Variants in RAB3C observed in about 807,000 individuals in gnomAD.
RAB3C encodes the protein RAB3C, member RAS oncogene family.
A neutral mutation model predicts 26.4 loss-of-function variants in RAB3C; 17 were observed. The ratio of observed to expected loss-of-function variants is 0.64; its 90% CI spans 0.44 to 0.97. RAB3C has a LOEUF of 0.97. Ranked by LOEUF, RAB3C falls within the 50% of genes least tolerant of loss-of-function variation. The pLI is 0.00. For synonymous variants in RAB3C, 91 were observed against 95.9 expected (o/e 0.95, Z 0.30); for missense variants, 242 against 281.9 (o/e 0.86, Z 1.01).
chr5:58,591,962 G>C (rs181475180), intron 1 of RAB3C, among the ~76,000 whole-genome samples: 1 of 146,120 alleles, frequency 6.8e-6, no homozygotes, highest in Non-Finnish European at 1.5e-5. Context: ...GCAGTGGCAC[G>C]ATCTCGGCTC....
At chr5:58,703,907 G>A (rs1277554617) in intron 2 of RAB3C, among the ~76,000 whole-genome samples, 1 of 152,088 alleles carries the variant, frequency 6.6e-6, no homozygotes, top group African/African-American at 2.4e-5. Context: ...CTTTAAAAAG[G>A]CTTAACCTCA....
At chr5:58,615,008 C>T (rs1746795029) in intron 1 of RAB3C, among the ~76,000 whole-genome samples, 2 of 152,080 alleles carry the variant, frequency 1.3e-5, no homozygotes, top group South Asian at 4.1e-4. Flanking sequence ...GTGAATACCA[C>T]ACCATTTTAT....
intron 3 of RAB3C, among the ~76,000 whole-genome samples, chr5:58,804,314 T>C (rs1742883397): frequency 6.6e-6 from 1 of 152,178 alleles, no homozygotes; most frequent in Non-Finnish European, 1.5e-5. Flanking sequence ...AGCAGGCTGT[T>C]TTCTTTCTTG....
intron 2 of RAB3C, among the ~76,000 whole-genome samples, chr5:58,635,171 C>A (rs1306071675): frequency 6.6e-6 from 1 of 152,126 alleles, no homozygotes; most frequent in African/African-American, 2.4e-5. Context: ...CACTGGAATA[C>A]CCATCTAGAT....
Position 58,666,415 on chromosome 5 carries a change from A to T in RAB3C, c.252+48545A>T, listed in dbSNP as rs565674955. 2.0e-5 allele frequency among the ~76,000 whole-genome samples: 3 copies of T among 152,326 alleles called. No homozygotes were observed. The East Asian group carries it at 5.8e-4, about 29-fold the overall frequency. On this transcript the variant is annotated intron_variant, in intron 2 of 4. Coordinates refer to ENST00000282878, the MANE Select transcript of RAB3C (RefSeq NM_138453.4). ...GTTTTGCCAAGTGTTTATATTACAG[A>T]TATGTTGAAAACCACTGCGGGGGAC...
Position 58,856,412 on chromosome 5 carries a change from C to A in RAB3C, c.*5061C>A, listed in dbSNP as rs1190300576. ...TCTATTTGCAGTTCTCTTTTACTTTCTGACTTTCTTTTAAATTACTGCAGT... is the reference window on the plus strand; with the variant it reads ...TCTATTTGCAGTTCTCTTTTACTTTATGACTTTCTTTTAAATTACTGCAGT... On this transcript the variant is annotated 3_prime_UTR_variant, in exon 5 of 5. Transcript: ENST00000282878. 1 of 151,902 alleles carries A rather than the reference C, an allele frequency of 6.6e-6. No homozygotes were observed. The highest frequency in any genetic ancestry group is 1.9e-4 in the East Asian group (1 of 5,188). The allele number at this position is 151,902 out of a possible 1,614,324, so 9.4% of individuals were successfully genotyped here.
chr5:58,669,154 C>T (rs1166610520), intron 2 of RAB3C, among the ~76,000 whole-genome samples: 1 of 152,006 alleles, frequency 6.6e-6, no homozygotes, highest in Non-Finnish European at 1.5e-5. Context: ...TTTGGGGGGA[C>T]AAAATTTAGC....
chr5:58,582,933 T>A, upstream of RAB3C: 2 of 775,406 alleles, frequency 2.6e-6, no homozygotes, highest in East Asian at 3.1e-5. Flanking sequence ...CGAGCCTGTT[T>A]AATGGTTTGC....
chr5:58,767,907 T>C (rs558322041), intron 3 of RAB3C, among the ~76,000 whole-genome samples: 1 of 152,258 alleles, frequency 6.6e-6, no homozygotes, highest in African/African-American at 2.4e-5. Context: ...GATAATGATG[T>C]GATAGAGTGT....
chr5:58,801,099 T>C (rs946126874), intron 3 of RAB3C, among the ~76,000 whole-genome samples: 8 of 152,034 alleles, frequency 5.3e-5, no homozygotes, highest in Non-Finnish European at 8.8e-5. Flanking sequence ...GGAATGTGGC[T>C]GTGCCTCTCT....
intron 4 of RAB3C, among the ~76,000 whole-genome samples, chr5:58,826,150 T>C (rs1321495194): frequency 1.3e-5 from 2 of 151,178 alleles, no homozygotes. Flanking sequence ...GGGAGGAAGA[T>C]AAAGAGCAAT....
At chr5:58,757,931 G>GTTGTTGTTGTT (rs1554016857) in intron 3 of RAB3C, among the ~76,000 whole-genome samples, 5 of 151,146 alleles carry the variant, frequency 3.3e-5, no homozygotes, top group South Asian at 2.1e-4. Context: ...TGTTGTTGTT[G>GTTGTTGTTGTT]TTGTTTTGTT....
At position 58,858,372 on chromosome 5, in the gene RAB3C, G is replaced by A. The variant is rs759535086; in HGVS notation, c.*7021G>A. The stretch of plus-strand genomic sequence containing the variant: ...AATATTAGAATGATAATTTAAGGGT[G>A]TGGTTGAATTTTAGTTAGTTGTCAC... On this transcript the variant is annotated 3_prime_UTR_variant, in exon 5 of 5. Coordinates refer to ENST00000282878, the MANE Select transcript of RAB3C (RefSeq NM_138453.4). 6.6e-6 allele frequency: 1 copy of A among 152,162 alleles called. No individual in the cohort carries two copies. Among genetic ancestry groups the A allele is most frequent in the Admixed American group, 6.6e-5 (1 of 15,262 alleles). 9.4% of individuals were successfully genotyped at this position (152,162 alleles called of 1,614,324 possible).
intron 2 of RAB3C, among the ~76,000 whole-genome samples, chr5:58,646,908 C>A (rs1401589355): frequency 6.6e-6 from 1 of 152,178 alleles, no homozygotes; most frequent in African/African-American, 2.4e-5. Context: ...TTAAAGTGTA[C>A]AGAATCAGCT....
chr5:58,639,468 T>A (rs1278148535), intron 2 of RAB3C, among the ~76,000 whole-genome samples: 2 of 152,116 alleles, frequency 1.3e-5, no homozygotes, highest in East Asian at 3.9e-4. Context: ...TGGTGAAGGC[T>A]CTCTTCCTGG....
In RAB3C at chr5:58,851,341, G is replaced by C. The variant is rs1386964219; in HGVS notation, c.674G>C (p.Cys225Ser). 1 of 1,596,454 alleles carries C rather than the reference G, an allele frequency of 6.3e-7. No individual in the cohort carries two copies. Among genetic ancestry groups the C allele is most frequent in the Non-Finnish European group, 8.5e-7 (1 of 1,173,536 alleles). The change falls in exon 5 of 5, where the codon TGT becomes TCT. Residue 225 changes from cysteine (C) to serine (S), a missense_variant. By Grantham distance (112) the Cys-to-Ser change is moderately radical (BLOSUM62 -1). Transcript: ENST00000282878. Reference sequence around the variant, plus strand: ...ACTCCTCCTCCACCGCAGCCCAACTGTGCCTGCTAGTGTCCCCGTGCACAC... The same window carrying C: ...ACTCCTCCTCCACCGCAGCCCAACTCTGCCTGCTAGTGTCCCCGTGCACAC... ...KETPPPPQPN[C>S]AC
chr5:58,675,695 TC>T (rs1748211647), intron 2 of RAB3C, among the ~76,000 whole-genome samples: 1 of 142,692 alleles, frequency 7.0e-6, no homozygotes, highest in Non-Finnish European at 1.5e-5. Context: ...TCAGTAGCAC[TC>T]CAACCCTTGT....
intron 2 of RAB3C, among the ~76,000 whole-genome samples, chr5:58,645,418 G>T (rs1747495830): frequency 6.6e-6 from 1 of 152,170 alleles, no homozygotes; most frequent in Non-Finnish European, 1.5e-5. Context: ...CAACTAGCTG[G>T]AAATACAGAA....
Position 58,589,505 on chromosome 5 carries a change from A to G in RAB3C, c.24+6273A>G, listed in dbSNP as rs139510414. On this transcript the variant is annotated intron_variant, in intron 1 of 4. Transcript: ENST00000282878. Reference sequence around the variant, plus strand: ...GCATAGTTTGGTTTGTTAAATGTCTACTAGAGTTCACCATGAAGCCAGCGG... The same window carrying G: ...GCATAGTTTGGTTTGTTAAATGTCTGCTAGAGTTCACCATGAAGCCAGCGG... 4.7e-4 allele frequency among the ~76,000 whole-genome samples: 71 copies of G among 152,310 alleles called. 1 individual carries two copies. Among genetic ancestry groups the G allele is most frequent in the African/African-American group, 1.6e-3 (68 of 41,578 alleles).
Sources: gnomAD v4.1 joint callset for allele counts (sites outside exome capture counted in the v4.1 genomes callset) on GRCh38, gnomAD v4.1.1 for gene constraint, MANE v1.5 for transcripts, NCBI Gene and HGNC (gene_info 2026-07-23, HGNC 2026-07-21) for gene names.